The following HACD3 variants were observed in gnomAD, a reference collection of about 807,000 sequenced individuals.
The protein encoded by HACD3 is 3-hydroxyacyl-CoA dehydratase 3.
A neutral mutation model predicts 55.2 loss-of-function variants in HACD3; 30 were observed. The observed-to-expected ratio is 0.54, with a 90% CI of 0.41 to 0.74. The LOEUF is 0.74. HACD3 is among the 30% of genes least tolerant of loss of function. The pLI, the probability that HACD3 is intolerant of heterozygous loss-of-function variation, is 0.00. For synonymous variants in HACD3, 141 were observed against 151.7 expected (o/e 0.93, Z 0.52); for missense variants, 363 against 440.1 (o/e 0.82, Z 1.57).
intron 1 of HACD3, 106 bp from the exon 2 acceptor site, chr15:65,551,570 A>C: frequency 8.2e-7 from 1 of 1,219,816 alleles, no homozygotes; most frequent in Non-Finnish European, 1.2e-6. Context: ...ACAGAGTAGG[A>C]GTTTGAGTCC....
In HACD3 at chr15:65,570,192, T is replaced by G. The variant is rs2141225069; in HGVS notation, c.762T>G (p.Ile254Met). The G allele has an allele frequency of 1.9e-6, 3 of 1,607,028 alleles. No individual in the cohort carries two copies. Among genetic ancestry groups the G allele is most frequent in the Non-Finnish European group, 2.6e-6 (3 of 1,174,238 alleles). Residue 254 changes from isoleucine (I) to methionine (M), a missense_variant, in exon 8 of 11, where the codon ATT becomes ATG. By Grantham distance (10) the Ile-to-Met change is conservative. Transcript: ENST00000261875. ...VFFVFYLWSA[I>M]EIFRYSFYML... ...TTGTGTTTTATTTGTGGAGTGCAATTGAAATTTTCAGGTGGGTAGAAATGC... is the reference window on the plus strand; with the variant it reads ...TTGTGTTTTATTTGTGGAGTGCAATGGAAATTTTCAGGTGGGTAGAAATGC...
intron 8 of HACD3, 87 bp from the exon 9 acceptor site, chr15:65,571,461 A>G (rs1433790395): frequency 2.1e-6 from 2 of 969,140 alleles, no homozygotes; most frequent in East Asian, 2.6e-5. Flanking sequence ...TGGCTGAGAA[A>G]TAGAATTCTT....
At chr15:65,530,883 C>G (rs750578560) in intron 1 of HACD3, 165 bp downstream of exon 1, 86 of 656,042 alleles carry the variant, frequency 1.3e-4, no homozygotes, top group Non-Finnish European at 1.9e-4. Context: ...CGAGGCTCAT[C>G]TGCAGATCTC....
chr15:65,577,158 C>T lies in HACD3; in HGVS notation c.*779C>T, dbSNP rs868568079. 6.6e-6 allele frequency: 1 copy of T among 152,326 alleles called. No individual in the cohort carries two copies. The highest frequency in any genetic ancestry group is 2.1e-4 in the South Asian group (1 of 4,828). The allele number at this position is 152,326 out of a possible 1,614,324, so 9.4% of individuals were successfully genotyped here. On this transcript the variant is annotated 3_prime_UTR_variant, in exon 11 of 11. Transcript: ENST00000261875. ...GTTCCAAACTCAGCCAGGAATGTGG[C>T]TCACACCTGTAATCCCAGCACTTTG...
At chr15:65,558,856 A>G in intron 5 of HACD3, 125 bp downstream of exon 5, 1 of 1,199,076 alleles carries the variant, frequency 8.3e-7, no homozygotes, top group Non-Finnish European at 1.2e-6. Context: ...TGAGTTTATG[A>G]AAAAGCTTTT....
chr15:65,576,290 TTTTC>T lies in HACD3; in HGVS notation c.1013-9_1013-6del, dbSNP rs1241726108. ...AAGACTCTAATTTCTAATTGACCTC[TTTTC>T]TTTTTCAGGTTTATACATAAATTTT... On this transcript the variant is annotated splice_polypyrimidine_tract_variant and intron_variant, in intron 10 of 10. Transcript: ENST00000261875. 1.9e-6 allele frequency: 3 copies of T among 1,582,780 alleles called. No individual in the cohort carries two copies. In the African/African-American group the frequency reaches 4.1e-5, roughly 21 times the overall value.
intron 8 of HACD3, among the ~76,000 whole-genome samples, chr15:65,570,835 G>GTAT (rs2072340711): frequency 3.3e-5 from 5 of 152,170 alleles, no homozygotes; most frequent in Non-Finnish European, 7.3e-5. Flanking sequence ...TTTTGACAAA[G>GTAT]TTGCTAGTTG....
At chr15:65,534,078 G>A (rs1029378751) in intron 1 of HACD3, among the ~76,000 whole-genome samples, 1 of 151,848 alleles carries the variant, frequency 6.6e-6, no homozygotes, top group Non-Finnish European at 1.5e-5. Context: ...AAAGAAACCA[G>A]TGGTTCTGGC....
chr15:65,572,486 T>G, intron 10 of HACD3, 120 bp downstream of exon 10: 1 of 1,234,220 alleles, frequency 8.1e-7, no homozygotes, highest in Non-Finnish European at 1.1e-6. Context: ...AGAGAATGAT[T>G]ACTTTGCAAA....
At chr15:65,554,138 A>G (rs2072163183) in intron 2 of HACD3, among the ~76,000 whole-genome samples, 2 of 152,212 alleles carry the variant, frequency 1.3e-5, no homozygotes, top group Non-Finnish European at 1.5e-5. Context: ...CAGCATTTCC[A>G]TGTACCCTGC....
intron 2 of HACD3, among the ~76,000 whole-genome samples, chr15:65,552,429 G>A (rs904616111): frequency 6.6e-6 from 1 of 152,120 alleles, no homozygotes; most frequent in African/African-American, 2.4e-5. Flanking sequence ...TCCGCCTCCT[G>A]GGTTCAAGTG....
At chr15:65,562,953 C>T in intron 6 of HACD3, 69 bp downstream of exon 6, 2 of 1,575,968 alleles carry the variant, frequency 1.3e-6, no homozygotes, top group African/African-American at 1.3e-5. Flanking sequence ...CCAAAGGGAG[C>T]ACTCTCTGCC....
chr15:65,548,299 A>G (rs1053991330), intron 1 of HACD3, among the ~76,000 whole-genome samples: 4 of 151,974 alleles, frequency 2.6e-5, no homozygotes, highest in Middle Eastern at 3.2e-3. Flanking sequence ...ACTTGAGCCC[A>G]GGAGTTCGGG....
At chr15:65,539,525 T>A (rs2071998914) in intron 1 of HACD3, among the ~76,000 whole-genome samples, 1 of 152,130 alleles carries the variant, frequency 6.6e-6, no homozygotes, top group South Asian at 2.1e-4. Context: ...CCAGCCGGAC[T>A]TTTTTTATAC....
At chr15:65,563,013 G>A (rs933810821) in intron 6 of HACD3, 129 bp downstream of exon 6, 44 of 1,390,252 alleles carry the variant, frequency 3.2e-5, no homozygotes, top group East Asian at 1.3e-4. Flanking sequence ...TCTACTTTTC[G>A]TTGTGCTTTC....
chr15:65,551,290 G>C (rs74021127), intron 1 of HACD3, among the ~76,000 whole-genome samples: 79 of 152,282 alleles, frequency 5.2e-4, no homozygotes, highest in African/African-American at 1.8e-3. Flanking sequence ...TCTTCTCACA[G>C]AAAGTGCCTC....
intron 1 of HACD3, among the ~76,000 whole-genome samples, chr15:65,544,985 C>T (rs555338008): frequency 4.0e-5 from 6 of 150,504 alleles, no homozygotes; most frequent in Non-Finnish European, 7.4e-5. Flanking sequence ...GGCACCATTG[C>T]ACTCCAGCCT....
intron 10 of HACD3, among the ~76,000 whole-genome samples, chr15:65,572,748 C>G (rs976173830): frequency 6.6e-6 from 1 of 151,818 alleles, no homozygotes; most frequent in Admixed American, 6.6e-5. Flanking sequence ...AACCCTGTCT[C>G]TACTAAAAAT....
intron 1 of HACD3, among the ~76,000 whole-genome samples, chr15:65,531,013 G>C (rs2141198947): frequency 6.6e-6 from 1 of 152,324 alleles, no homozygotes; most frequent in East Asian, 1.9e-4. Context: ...CCTTCATGGA[G>C]CCCAGGCCCG....
Sources: allele counts gnomAD v4.1 joint callset (sites outside exome capture counted in the v4.1 genomes callset), GRCh38; gene constraint gnomAD v4.1.1; transcripts MANE v1.5; gene names NCBI Gene and HGNC (gene_info 2026-07-23, HGNC 2026-07-21).